CA10: variants seen among roughly 807,000 people sequenced by gnomAD.
The protein encoded by CA10 is carbonic anhydrase 10 (inactive).
Under a neutral mutation model 44.2 loss-of-function variants are expected in CA10, and 14 were observed. The ratio of observed to expected loss-of-function variants is 0.32; its 90% CI spans 0.21 to 0.50. The LOEUF is 0.50. Among genes scored for constraint, CA10 ranks in the 20% least tolerant of loss-of-function variants. The pLI, the probability that CA10 is intolerant of heterozygous loss-of-function variation, is 0.99. For synonymous variants in CA10, 159 were observed against 141.6 expected, an observed-to-expected ratio of 1.12 and a Z score of -0.87; for missense variants, 350 against 409.7, an observed-to-expected ratio of 0.85 and a Z score of 1.26.
intron 3 of CA10, chr17:51,748,653 C>A (rs74968174): frequency 0.016 from 2,880 of 176,840 alleles, 113 homozygotes; most frequent in African/African-American, 0.066. Context: ...CTTAGGGAGA[C>A]TTTGAATGAG....
At chr17:51,701,523 CAAT>C (rs1915604203) in intron 4 of CA10, among the ~76,000 whole-genome samples, 1 of 152,060 alleles carries the variant, frequency 6.6e-6, no homozygotes, top group Non-Finnish European at 1.5e-5. Context: ...TACCTCTGCT[CAAT>C]AAATTCTGCG....
chr17:51,925,902 C>T (rs1982408737), intron 3 of CA10, among the ~76,000 whole-genome samples: 1 of 151,994 alleles, frequency 6.6e-6, no homozygotes, highest in African/African-American at 2.4e-5. Flanking sequence ...TTCATAGAAA[C>T]AGAACGTAGG....
rs56926441 is a variant in CA10, at chr17:52,123,215, T to C, written c.61+34511A>G. ...TCTCAAAAATAATTATAATGAAATA[T>C]TAACTTAAAAGAGTGACATGAAAGA... On this transcript the variant is annotated intron_variant, in intron 1 of 8. Transcript: ENST00000451037. Among the ~76,000 whole-genome samples, 217 of 152,274 alleles carry C rather than the reference T, an allele frequency of 1.4e-3. 8 individuals carry two copies. The East Asian group carries it at 0.04, about 28-fold the overall frequency.
chr17:51,855,498 C>T (rs1301943240), intron 3 of CA10, among the ~76,000 whole-genome samples: 1 of 152,112 alleles, frequency 6.6e-6, no homozygotes, highest in Admixed American at 6.6e-5. Context: ...ACTCAAAAAG[C>T]ATTTGAGATC....
At chr17:51,864,863 A>G (rs1979474650) in intron 3 of CA10, among the ~76,000 whole-genome samples, 1 of 152,170 alleles carries the variant, frequency 6.6e-6, no homozygotes, top group Admixed American at 6.6e-5. Context: ...GCAAACTGAT[A>G]TTTCAGGTGT....
chr17:51,920,552 C>T (rs542007179), intron 3 of CA10, among the ~76,000 whole-genome samples: 28 of 152,264 alleles, frequency 1.8e-4, no homozygotes, highest in African/African-American at 6.3e-4. Flanking sequence ...ATTAGAGACA[C>T]TTATGAAATA....
intron 3 of CA10, among the ~76,000 whole-genome samples, chr17:51,882,067 A>C (rs1484566238): frequency 7.6e-5 from 8 of 105,958 alleles, no homozygotes; most frequent in Admixed American, 4.3e-4. Context: ...CAGTGGCAAC[A>C]AAAAAAAAAA....
chr17:51,803,348 G>A (rs1048036823), intron 3 of CA10, among the ~76,000 whole-genome samples: 9 of 152,140 alleles, frequency 5.9e-5, no homozygotes, highest in African/African-American at 2.2e-4. Flanking sequence ...CAGCAGGACT[G>A]GACAGCTCTG....
At chr17:52,066,948 G>C (rs566857363) in intron 2 of CA10, among the ~76,000 whole-genome samples, 1 of 152,152 alleles carries the variant, frequency 6.6e-6, no homozygotes, top group South Asian at 2.1e-4. Context: ...ATAAAGAGAT[G>C]GTTTGATATT....
intron 3 of CA10, among the ~76,000 whole-genome samples, chr17:51,792,752 T>C (rs774438235): frequency 3.9e-5 from 6 of 152,244 alleles, no homozygotes; most frequent in Admixed American, 2.0e-4. Context: ...GAGTAAACTT[T>C]AGAGACGATC....
intron 3 of CA10, among the ~76,000 whole-genome samples, chr17:51,859,403 C>T (rs746159622): frequency 6.6e-6 from 1 of 152,120 alleles, no homozygotes; most frequent in Non-Finnish European, 1.5e-5. Context: ...TTAATGTCTC[C>T]CCAGTGGCCA....
chr17:52,074,327 G>C (rs894095079), intron 1 of CA10, among the ~76,000 whole-genome samples: 2 of 152,102 alleles, frequency 1.3e-5, no homozygotes, highest in Admixed American at 6.5e-5. Context: ...TCAAGCCTGG[G>C]AAAAATGCAT....
intron 2 of CA10, among the ~76,000 whole-genome samples, chr17:51,991,942 C>T (rs1013883280): frequency 2.0e-5 from 3 of 152,092 alleles, no homozygotes; most frequent in African/African-American, 7.2e-5. Context: ...CCATCACAGA[C>T]CTTATTCACT....
chr17:51,723,492 C>G (rs1014965223), intron 4 of CA10, among the ~76,000 whole-genome samples: 2 of 152,060 alleles, frequency 1.3e-5, no homozygotes, highest in African/African-American at 4.8e-5. Context: ...GGGTACCATG[C>G]AGGACAAGAC....
At chr17:52,008,453 G>A (rs1985676880) in intron 2 of CA10, among the ~76,000 whole-genome samples, 1 of 151,760 alleles carries the variant, frequency 6.6e-6, no homozygotes, top group Non-Finnish European at 1.5e-5. Context: ...TTGTCTTTTG[G>A]AGGGAACAGC....
chr17:52,011,776 G>A (rs1985805246), intron 2 of CA10, among the ~76,000 whole-genome samples: 1 of 152,068 alleles, frequency 6.6e-6, no homozygotes, highest in South Asian at 2.1e-4. Context: ...TGGTGGGGAA[G>A]AGAGAGTCAT....
intron 2 of CA10, among the ~76,000 whole-genome samples, chr17:52,029,814 CAT>C (rs1280420556): frequency 1.6e-4 from 25 of 152,110 alleles, no homozygotes; most frequent in Admixed American, 1.2e-3. Flanking sequence ...ACTCCTTAGC[CAT>C]ATGTTTCATT....
chr17:51,717,348 C>T (rs1916143873), intron 4 of CA10, among the ~76,000 whole-genome samples: 2 of 151,694 alleles, frequency 1.3e-5, no homozygotes, highest in African/African-American at 4.8e-5. Context: ...GCCTGTTGGC[C>T]AGGAAAATGA....
At chr17:52,114,876 G>C (rs1444050605) in intron 1 of CA10, among the ~76,000 whole-genome samples, 2 of 152,194 alleles carry the variant, frequency 1.3e-5, no homozygotes, top group Admixed American at 1.3e-4. Flanking sequence ...CAATGTCAGT[G>C]ATTCTAAAAA....
Sources: gnomAD v4.1 joint callset for allele counts (sites outside exome capture counted in the v4.1 genomes callset) on GRCh38, gnomAD v4.1.1 for gene constraint, MANE v1.5 for transcripts, NCBI Gene and HGNC (gene_info 2026-07-23, HGNC 2026-07-21) for gene names.